The following LARGE1 variants were observed in gnomAD, a reference collection of about 807,000 sequenced individuals.
The protein encoded by LARGE1 is LARGE xylosyl- and glucuronyltransferase 1.
Under a neutral mutation model 87.6 loss-of-function variants are expected in LARGE1, and 43 were observed. The observed-to-expected ratio is 0.49, with a 90% confidence interval of 0.38 to 0.63. LARGE1 has a LOEUF of 0.63. LARGE1 is among the 30% of genes least tolerant of loss of function. The pLI is 0.00. For missense variants in LARGE1, 802 were observed against 1,000.2 expected, an observed-to-expected ratio of 0.80 and a Z score of 2.67; for synonymous variants, 434 against 394.6, an observed-to-expected ratio of 1.10 and a Z score of -1.18.
chr22:33,256,480 A>G (rs1398597342), intron 11 of LARGE1, among the ~76,000 whole-genome samples: 1 of 152,202 alleles, frequency 6.6e-6, no homozygotes, highest in Non-Finnish European at 1.5e-5. Context: ...CTCATCTGTA[A>G]AATGGGGATA....
chr22:33,344,666 C>T (rs945487506), intron 9 of LARGE1, among the ~76,000 whole-genome samples: 5 of 152,156 alleles, frequency 3.3e-5, no homozygotes, highest in Non-Finnish European at 7.3e-5. Context: ...TTTATCAGTG[C>T]TTGTCTGACT....
intron 3 of LARGE1, among the ~76,000 whole-genome samples, chr22:33,629,248 T>A (rs2080027256): frequency 6.6e-6 from 1 of 152,032 alleles, no homozygotes; most frequent in Non-Finnish European, 1.5e-5. Flanking sequence ...AAGACATAAC[T>A]GGGAAGGGGA....
chr22:33,287,358 C>A (rs1350639047), intron 12 of LARGE1, among the ~76,000 whole-genome samples: 6 of 152,240 alleles, frequency 3.9e-5, no homozygotes, highest in Admixed American at 2.0e-4. Context: ...TTTCCCTCTG[C>A]ATAGATAGCA....
intron 1 of LARGE1, among the ~76,000 whole-genome samples, chr22:33,906,952 G>A (rs552005845): frequency 3.9e-5 from 6 of 152,088 alleles, no homozygotes; most frequent in African/African-American, 1.4e-4. Flanking sequence ...AATTTAATGA[G>A]CTCAAAAATG....
At chr22:33,772,845 CTGAA>C (rs56761832) in intron 1 of LARGE1, among the ~76,000 whole-genome samples, 27,992 of 151,258 alleles carry the variant, frequency 0.19, 2,685 homozygotes, top group Middle Eastern at 0.31. Flanking sequence ...TGAGTATCTG[CTGAA>C]TGAATGAATG....
At chr22:33,147,739 T>G in the LARGE1 span, among the ~76,000 whole-genome samples, 1 of 152,230 alleles carries the variant, frequency 6.6e-6, no homozygotes, top group African/African-American at 2.4e-5. Context: ...ATACGCTTTT[T>G]TTGGGTAAAT....
At chr22:33,278,703 G>A (rs1929833363) in intron 13 of LARGE1, among the ~76,000 whole-genome samples, 1 of 152,070 alleles carries the variant, frequency 6.6e-6, no homozygotes, top group Non-Finnish European at 1.5e-5. Context: ...GCCTCCTTAA[G>A]CACTTCACCT....
chr22:33,087,392 T>C, the LARGE1 span, among the ~76,000 whole-genome samples: 2 of 152,164 alleles, frequency 1.3e-5, no homozygotes, highest in Non-Finnish European at 2.9e-5. Flanking sequence ...TGTTACAATA[T>C]TGCATTGCTG....
intron 6 of LARGE1, among the ~76,000 whole-genome samples, chr22:33,547,931 T>C (rs993980457): frequency 1.6e-4 from 25 of 151,970 alleles, no homozygotes; most frequent in African/African-American, 5.8e-4. Context: ...TCTAAAACTG[T>C]TGCCATAAAA....
intron 1 of LARGE1, among the ~76,000 whole-genome samples, chr22:33,773,222 G>A (rs1490147284): frequency 6.6e-6 from 1 of 152,214 alleles, no homozygotes; most frequent in East Asian, 1.9e-4. Flanking sequence ...CCTCTGGCCT[G>A]TCAAACTGGC....
At position 33,662,076 on chromosome 22, in the gene LARGE1, CAAAAAAAAAAAAA is replaced by C. The variant is rs34470280; in HGVS notation, c.107-11421_107-11409del. ...CTAACACTAAGGACAGCTTAGGAGC[CAAAAAAAAAAAAA>C]AAAAAAAAAAGGAAAAGAATCTCAT... On this transcript the variant is annotated intron_variant, in intron 2 of 14. Transcript: ENST00000397394. Among the ~76,000 whole-genome samples, 209 of 54,914 alleles carry C rather than the reference CAAAAAAAAAAAAA, an allele frequency of 3.8e-3. 1 individual carries two copies. The highest frequency in any genetic ancestry group is 0.014 in the African/African-American group (192 of 14,104). The allele number at this position is 54,914 out of a possible 152,430, so 36.0% of individuals were successfully genotyped here.
At position 33,744,530 on chromosome 22, in the gene LARGE1, G is replaced by A. The variant is rs112146574; in HGVS notation, c.106+16841C>T. Among the ~76,000 whole-genome samples, 591 of 152,332 alleles carry A rather than the reference G, an allele frequency of 3.9e-3. 4 individuals carry two copies. Among genetic ancestry groups the A allele is most frequent in the African/African-American group, 0.014 (575 of 41,570 alleles). ...CCTCTGTGTCTTCCTAAATGACAAC[G>A]TGCTTTCCCATGGGTCCTCAGAGCA... On this transcript the variant is annotated intron_variant, in intron 2 of 14. Coordinates refer to ENST00000397394, the MANE Select transcript of LARGE1 (RefSeq NM_133642.5).
chr22:33,473,733 C>T (rs1244312610), intron 6 of LARGE1, among the ~76,000 whole-genome samples: 2 of 152,090 alleles, frequency 1.3e-5, no homozygotes, highest in East Asian at 1.9e-4. Flanking sequence ...CGTCAGCCAC[C>T]GAGCCCAGCA....
chr22:33,094,314 G>A, the LARGE1 span, among the ~76,000 whole-genome samples: 1 of 152,012 alleles, frequency 6.6e-6, no homozygotes, highest in Non-Finnish European at 1.5e-5. Context: ...TCTTTTGCAC[G>A]GACCGTTGCA....
chr22:33,704,513 G>A (rs1223772807), intron 2 of LARGE1, among the ~76,000 whole-genome samples: 3 of 152,188 alleles, frequency 2.0e-5, no homozygotes, highest in African/African-American at 7.2e-5. Context: ...CTTCTGGGCA[G>A]TACCCTCATC....
intron 6 of LARGE1, among the ~76,000 whole-genome samples, chr22:33,509,058 C>A (rs1385219136): frequency 6.6e-6 from 1 of 152,198 alleles, no homozygotes; most frequent in Non-Finnish European, 1.5e-5. Flanking sequence ...ACAGGTATAT[C>A]AGGCCTTAGG....
At position 33,457,688 on chromosome 22, in the gene LARGE1, A is replaced by G. The variant is rs2068195691; in HGVS notation, c.788-25423T>C. On this transcript the variant is annotated intron_variant, in intron 6 of 14. Coordinates refer to ENST00000397394, the MANE Select transcript of LARGE1 (RefSeq NM_133642.5). ...AGTAAAATCCCATGAAAATATTGCA[A>G]AAGAGTAATTTTTTTTGCACCTGAG... Among the ~76,000 whole-genome samples, 3 of 152,214 alleles carry G rather than the reference A, an allele frequency of 2.0e-5. No individual in the cohort carries two copies. The South Asian group carries it at 6.2e-4, about 32-fold the overall frequency.
At chr22:33,191,641 G>T (rs1382800898) in intron 11 of LARGE1, among the ~76,000 whole-genome samples, 2 of 152,182 alleles carry the variant, frequency 1.3e-5, no homozygotes, top group African/African-American at 4.8e-5. Context: ...TGAAATGTTG[G>T]CCAGTGGTGC....
intron 6 of LARGE1, among the ~76,000 whole-genome samples, chr22:33,477,375 C>T (rs886583920): frequency 2.6e-5 from 4 of 152,266 alleles, no homozygotes; most frequent in Middle Eastern, 3.4e-3. Context: ...ATAATTATGC[C>T]GTCTAAAGAT....
Sources: gnomAD v4.1 joint callset for allele counts (sites outside exome capture counted in the v4.1 genomes callset) on GRCh38, gnomAD v4.1.1 for gene constraint, MANE v1.5 for transcripts, NCBI Gene and HGNC (gene_info 2026-07-23, HGNC 2026-07-21) for gene names.